Variants in RFX4 observed in about 807,000 individuals in gnomAD.
RFX4 encodes transcription factor RFX4.
Under a neutral mutation model 95.0 loss-of-function variants are expected in RFX4, and 10 were observed. The ratio of observed to expected loss-of-function variants is 0.11; its 90% CI spans 0.06 to 0.18. RFX4 has a LOEUF of 0.18. Among genes scored for constraint, RFX4 ranks in the 10% least tolerant of loss-of-function variants. The pLI, the probability that RFX4 is intolerant of heterozygous loss-of-function variation, is 1.00. For missense variants in RFX4, 640 were observed against 922.0 expected (o/e 0.69, Z 3.96); for synonymous variants, 321 against 340.7 (o/e 0.94, Z 0.64).
chr12:106,687,561 A>AAAAAAAAAAAAAAG (rs1428297670), intron 6 of RFX4, among the ~76,000 whole-genome samples: 2 of 152,004 alleles, frequency 1.3e-5, no homozygotes, highest in African/African-American at 4.8e-5. Flanking sequence ...AAAAAAAAAA[A>AAAAAAAAAAAAAAG]AAAAGAAAAG....
intron 1 of RFX4, among the ~76,000 whole-genome samples, chr12:106,606,328 CAGAACTATAG>C (rs1352235947): frequency 6.6e-6 from 1 of 151,924 alleles, no homozygotes; most frequent in African/African-American, 2.4e-5. Context: ...GGGGTTGGCC[CAGAACTATAG>C]ATATTGCTTT....
intron 7 of RFX4, among the ~76,000 whole-genome samples, chr12:106,690,363 T>C (rs1019538316): frequency 6.6e-6 from 1 of 152,208 alleles, no homozygotes; most frequent in Non-Finnish European, 1.5e-5. Flanking sequence ...GATTTTTTTC[T>C]TTTAAGAAAG....
intron 17 of RFX4, among the ~76,000 whole-genome samples, chr12:106,756,026 A>G (rs1193266381): frequency 6.6e-6 from 1 of 152,220 alleles, no homozygotes; most frequent in African/African-American, 2.4e-5. Flanking sequence ...CCTTGTTTAC[A>G]CTACTTATTT....
intron 1 of RFX4, chr12:106,585,916 C>T (rs2039448644): frequency 6.6e-6 from 1 of 152,246 alleles, no homozygotes; most frequent in African/African-American, 2.4e-5. Flanking sequence ...TAGTGGCCTG[C>T]TTTGGGGCCA....
chr12:106,719,531 T>C (rs1018410186), intron 11 of RFX4, among the ~76,000 whole-genome samples: 1 of 152,042 alleles, frequency 6.6e-6, no homozygotes, highest in Non-Finnish European at 1.5e-5. Flanking sequence ...AGTCATATAA[T>C]AAAGGTAGAA....
At chr12:106,726,412 C>T (rs77816737) in intron 13 of RFX4, among the ~76,000 whole-genome samples, 3,231 of 152,088 alleles carry the variant, frequency 0.021, 49 homozygotes, top group Non-Finnish European at 0.032. Context: ...TGACCTGCCC[C>T]CGCAAAATAA....
At chr12:106,670,557 CT>C (rs2041261117) in intron 4 of RFX4, among the ~76,000 whole-genome samples, 1 of 152,226 alleles carries the variant, frequency 6.6e-6, no homozygotes. Flanking sequence ...TGAAATTCCA[CT>C]TCTGTCTCAT....
intron 4 of RFX4, 28 bp downstream of exon 4, chr12:106,654,379 T>C (rs1555228275): frequency 6.3e-7 from 1 of 1,599,750 alleles, no homozygotes; most frequent in Non-Finnish European, 8.5e-7. Context: ...AGGCTTGTCC[T>C]CCCTACCACC....
At chr12:106,759,350 G>A (rs1229923145) in intron 17 of RFX4, among the ~76,000 whole-genome samples, 1 of 152,204 alleles carries the variant, frequency 6.6e-6, no homozygotes, top group East Asian at 1.9e-4. Context: ...AGGCCTCTGT[G>A]CCAGGGAGAG....
intron 9 of RFX4, among the ~76,000 whole-genome samples, chr12:106,710,396 A>C (rs2042170103): frequency 6.6e-6 from 1 of 152,106 alleles, no homozygotes; most frequent in Admixed American, 6.5e-5. Flanking sequence ...TCCACATCAC[A>C]AAGTTAAAGA....
In RFX4 at chr12:106,583,332, G is replaced by T. The variant is rs1434096332; in HGVS notation, c.12G>T (p.Gly4=). The change falls in exon 1 of 18, where the codon GGG becomes GGT. Residue 4 remains glycine, a synonymous_variant. Transcript: ENST00000392842. MHC[G]LLEEPDMDST... ...TCCATGGGAAGAGCATGCATTGTGG[G>T]TTACTGGAGGAACCCGACATGGATT... The T allele has an allele frequency of 6.3e-7, 1 of 1,587,102 alleles. No homozygotes were observed. Among genetic ancestry groups the T allele is most frequent in the Non-Finnish European group, 8.5e-7 (1 of 1,170,680 alleles).
At chr12:106,750,476 CA>C (rs374736367) in intron 16 of RFX4, among the ~76,000 whole-genome samples, 178 bp from the exon 17 acceptor site, 2,128 of 49,308 alleles carry the variant, frequency 0.043, 28 homozygotes, top group African/African-American at 0.12. Context: ...GACCCTGACT[CA>C]AAAAAAAAAA....
At chr12:106,697,518 G>A (rs548095931) in intron 8 of RFX4, among the ~76,000 whole-genome samples, 7 of 151,614 alleles carry the variant, frequency 4.6e-5, no homozygotes, top group African/African-American at 1.2e-4. Context: ...ACAAACTGGC[G>A]GGGTGACTTA....
At chr12:106,603,163 A>C (rs890508365) in intron 1 of RFX4, among the ~76,000 whole-genome samples, 2 of 152,118 alleles carry the variant, frequency 1.3e-5, no homozygotes, top group African/African-American at 4.8e-5. Flanking sequence ...TTCAAGGATT[A>C]CCTGGCTCTT....
At chr12:106,704,853 G>A (rs146839079) in intron 8 of RFX4, among the ~76,000 whole-genome samples, 2,094 of 152,210 alleles carry the variant, frequency 0.014, 30 homozygotes, top group East Asian at 0.025. Context: ...GCGTGTGTGT[G>A]TCGTATGGGC....
chr12:106,744,719 G>T (rs1263143704), intron 15 of RFX4, among the ~76,000 whole-genome samples: 1 of 152,204 alleles, frequency 6.6e-6, no homozygotes, highest in African/African-American at 2.4e-5. Flanking sequence ...CACAACGGTA[G>T]AGAGTAGAAA....
intron 10 of RFX4, among the ~76,000 whole-genome samples, chr12:106,714,090 A>AAACAAAAAAAAAAAAAG (rs1565991588): frequency 6.6e-6 from 1 of 151,076 alleles, no homozygotes; most frequent in Non-Finnish European, 1.5e-5. Flanking sequence ...AAAAAAAAAA[A>AAACAAAAAAAAAAAAAG]AGCATGTTCT....
At chr12:106,678,280 C>T (rs1592928055) in intron 4 of RFX4, among the ~76,000 whole-genome samples, 1 of 152,294 alleles carries the variant, frequency 6.6e-6, no homozygotes, top group South Asian at 2.1e-4. Context: ...TAGGGCCAGG[C>T]ATCAAGGGCT....
intron 11 of RFX4, among the ~76,000 whole-genome samples, chr12:106,717,819 C>T (rs188631610): frequency 6.6e-6 from 1 of 152,318 alleles, no homozygotes; most frequent in African/African-American, 2.4e-5. Flanking sequence ...AGCACATGTG[C>T]GTCAACCCTG....
Sources: gnomAD v4.1 joint callset for allele counts (sites outside exome capture counted in the v4.1 genomes callset) on GRCh38, gnomAD v4.1.1 for gene constraint, MANE v1.5 for transcripts, NCBI Gene and HGNC (gene_info 2026-07-23, HGNC 2026-07-21) for gene names.